Variants in ABCA1 observed in about 807,000 individuals in gnomAD.
ABCA1 encodes ATP binding cassette subfamily A member 1.
Under a neutral mutation model 262.5 loss-of-function variants are expected in ABCA1, and 133 were observed. The observed-to-expected ratio is 0.51, with a 90% CI of 0.44 to 0.59. The LOEUF is 0.59. Among genes scored for constraint, ABCA1 ranks in the 20% least tolerant of loss-of-function variants. ABCA1 has a pLI of 0.00. For missense variants in ABCA1, 2,452 were observed against 2,777.5 expected (o/e 0.88, Z 2.63); for synonymous variants, 1,022 against 1,043.5 (o/e 0.98, Z 0.40).
At chr9:104,860,137 C>CCCTTT (rs1298008873) in intron 6 of ABCA1, among the ~76,000 whole-genome samples, 1 of 151,548 alleles carries the variant, frequency 6.6e-6, no homozygotes, top group Non-Finnish European at 1.5e-5. Flanking sequence ...ATGCTTTGTT[C>CCCTTT]CCTTTCCTTT....
intron 34 of ABCA1, among the ~76,000 whole-genome samples, chr9:104,801,156 G>A (rs2740479): frequency 0.5 from 76,003 of 151,250 alleles, 23,201 homozygotes; most frequent in Non-Finnish European, 0.67. Flanking sequence ...GTCAGTGATT[G>A]TTTCAGCAAA....
At chr9:104,926,298 T>A (rs894419373) in intron 1 of ABCA1, among the ~76,000 whole-genome samples, 2 of 152,102 alleles carry the variant, frequency 1.3e-5, no homozygotes, top group African/African-American at 4.8e-5. Context: ...GCCAGACAAC[T>A]TTTTTCTTTG....
intron 27 of ABCA1, 36 bp downstream of exon 27, chr9:104,814,082 A>T (rs377406820): frequency 1.3e-6 from 2 of 1,599,556 alleles, no homozygotes; most frequent in Non-Finnish European, 1.7e-6. Flanking sequence ...TTCACATTCA[A>T]ACAGTAGGAC....
At chr9:104,822,148 G>A (rs1832417592) in intron 19 of ABCA1, among the ~76,000 whole-genome samples, 3 of 152,232 alleles carry the variant, frequency 2.0e-5, no homozygotes, top group Middle Eastern at 3.4e-3. Context: ...TCTCACAGGT[G>A]CTTCTCACAT....
chr9:104,926,610 C>A (rs955473018), intron 1 of ABCA1, among the ~76,000 whole-genome samples: 4 of 152,100 alleles, frequency 2.6e-5, no homozygotes, highest in African/African-American at 7.2e-5. Context: ...GGTCCTCCGG[C>A]CAGGAGGCGC....
intron 43 of ABCA1, 56 bp downstream of exon 43, chr9:104,791,880 G>A (rs1360338539): frequency 4.5e-6 from 7 of 1,550,926 alleles, no homozygotes; most frequent in South Asian, 2.3e-5. Flanking sequence ...TGCTTGATTG[G>A]GTAGAGATAG....
rs2297409 is a variant in ABCA1 at position 104,813,965 on chromosome 9, G to A, written c.3901+153C>T. ...TTGATCACATGCACGATGCTGCAAA[G>A]AACAAGTGGCTTTTACCATTTCCTC... On this transcript the variant is annotated intron_variant, in intron 27 of 49. Coordinates refer to ENST00000374736, the MANE Select transcript of ABCA1 (RefSeq NM_005502.4). Among the ~76,000 whole-genome samples the A allele has an allele frequency of 0.22, 33,310 of 152,242 alleles. 3,928 individuals carry two copies. Among genetic ancestry groups the A allele is most frequent in the East Asian group, 0.39 (2,008 of 5,182 alleles).
chr9:104,784,603 G>A (rs1828746161), intron 49 of ABCA1, 148 bp from the exon 50 acceptor site: 1 of 980,624 alleles, frequency 1.0e-6, no homozygotes, highest in Admixed American at 2.4e-5. Flanking sequence ...GTGTGTGAAG[G>A]AGGGAAGAAT....
At chr9:104,815,083 T>C (rs1478099534) in intron 25 of ABCA1, among the ~76,000 whole-genome samples, 1 of 152,228 alleles carries the variant, frequency 6.6e-6, no homozygotes, top group Admixed American at 6.5e-5. Flanking sequence ...ATGAGTCAAG[T>C]GGCTTCTTTC....
Position 104,827,014 on chromosome 9 carries a change from C to T in ABCA1, c.2271G>A (p.Leu757=). Residue 757 remains leucine (L), a synonymous_variant, in exon 16 of 50, where the codon CTG becomes CTA. Transcript: ENST00000374736. ...CCACACACAGGACGTAGGGCAGGTA[C>T]AGCGTGAAGTAGATGATGCCCCCAC... The part of the protein sequence containing the change: ...AACGGIIYFT[L]YLPYVLCVAW... 1 of 1,614,192 alleles carries T rather than the reference C, an allele frequency of 6.2e-7. No individual in the cohort carries two copies. Among genetic ancestry groups the T allele is most frequent in the Non-Finnish European group, 8.5e-7 (1 of 1,180,042 alleles).
rs143548532 is a variant in ABCA1 at position 104,785,476 on chromosome 9, T to C, written c.6565A>G (p.Arg2189Gly). 15 of 1,565,732 alleles carry C rather than the reference T, an allele frequency of 9.6e-6. No homozygotes were observed. The highest frequency in any genetic ancestry group is 1.3e-5 in the Non-Finnish European group (15 of 1,148,962). The change falls in exon 49 of 50, where the codon AGG becomes GGG. Residue 2189 changes from arginine to glycine, a missense_variant. Around this residue, in one of 4 missense-constraint regions of ABCA1, gnomAD observed 752 missense variants for 944.5 expected, o/e 0.80. Coordinates refer to ENST00000374736, the MANE Select transcript of ABCA1 (RefSeq NM_005502.4). ...CTCTGGGAGAGGATGCTGAATATCCTGGCCAGAGAAGATAATGAAGATGGA... is the reference window on the plus strand; with the variant it reads ...CTCTGGGAGAGGATGCTGAATATCCCGGCCAGAGAAGATAATGAAGATGGA... Reference protein sequence around the residue: ...QLPSSLSSLARIFSILSQSKK... With the variant: ...QLPSSLSSLAGIFSILSQSKK...
At position 104,837,073 on chromosome 9, in the gene ABCA1, C is replaced by T. The variant is rs1243593595; in HGVS notation, c.1218G>A (p.Leu406=). ...MAEVNKTFQE[L]AVFHDLEGMW... Reference sequence around the variant, plus strand: ...TGCCTTCCAGATCATGGAACACAGCCAGTTCCTGGAAGGTCTTGTTCACCT... The same window carrying T: ...TGCCTTCCAGATCATGGAACACAGCTAGTTCCTGGAAGGTCTTGTTCACCT... The change falls in exon 11 of 50, where the codon CTG becomes CTA. Residue 406 remains leucine, a synonymous_variant. Transcript: ENST00000374736. The T allele has an allele frequency of 5.6e-6, 9 of 1,613,640 alleles. No individual in the cohort carries two copies. The highest frequency in any genetic ancestry group is 7.6e-6 in the Non-Finnish European group (9 of 1,180,044).
At chr9:104,862,705 C>G (rs1588441502) in intron 5 of ABCA1, among the ~76,000 whole-genome samples, 1 of 13,846 alleles carries the variant, frequency 7.2e-5, no homozygotes, top group African/African-American at 3.8e-4. Flanking sequence ...GGGCCGGCCC[C>G]CACCCCCACC....
At chr9:104,786,248 A>G in intron 48 of ABCA1, 50 bp downstream of exon 48, 1 of 1,420,946 alleles carries the variant, frequency 7.0e-7, no homozygotes, top group Non-Finnish European at 9.9e-7. Context: ...AAAAGAATAA[A>G]TATCAAGCCT....
chr9:104,875,673 T>C (rs985815030), intron 5 of ABCA1, among the ~76,000 whole-genome samples: 4 of 150,514 alleles, frequency 2.7e-5, no homozygotes, highest in African/African-American at 7.3e-5. Flanking sequence ...AAAAAAAAGG[T>C]ATTTCAGAAT....
intron 27 of ABCA1, 66 bp downstream of exon 27, chr9:104,814,052 G>A (rs1831511682): frequency 5.9e-6 from 9 of 1,522,100 alleles, no homozygotes; most frequent in South Asian, 5.6e-5. Context: ...AAGAAAACAG[G>A]TGAGAGCATG....
At chr9:104,834,321 T>C (rs2472390) in intron 11 of ABCA1, among the ~76,000 whole-genome samples, 23,674 of 149,386 alleles carry the variant, frequency 0.16, 3,271 homozygotes, top group African/African-American at 0.26. Context: ...CAGGATAGCA[T>C]ATTTTAAAAT....
Position 104,927,940 on chromosome 9 carries a change from T to A in ABCA1, c.-98A>T, listed in dbSNP as rs1178585151. The A allele has an allele frequency of 1.3e-5, 2 of 152,290 alleles. No individual in the cohort carries two copies. The highest frequency in any genetic ancestry group is 2.4e-5 in the African/African-American group (1 of 41,466). 9.4% of individuals were successfully genotyped at this position (152,290 alleles called of 1,614,324 possible). A position where few individuals can be genotyped will look rare whatever the true frequency, so the allele number is the denominator to read the frequency against. ...GTCACTGGAGAGCCTCTTACCTGTT[T>A]TCCACTTTTGTGTTTGCGTCTCTTT... On this transcript the variant is annotated 5_prime_UTR_variant, in exon 1 of 50. Coordinates refer to ENST00000374736, the MANE Select transcript of ABCA1 (RefSeq NM_005502.4).
intron 7 of ABCA1, among the ~76,000 whole-genome samples, chr9:104,848,350 C>T (rs1027875756): frequency 3.9e-5 from 6 of 152,046 alleles, no homozygotes; most frequent in African/African-American, 1.2e-4. Context: ...CATGGTGGCT[C>T]ACACCTGTAA....
Sources: gnomAD v4.1 joint callset for allele counts (sites outside exome capture counted in the v4.1 genomes callset) on GRCh38, gnomAD v4.1.1 for gene constraint, gnomAD v4.1.1 regional missense constraint, MANE v1.5 for transcripts, NCBI Gene and HGNC (gene_info 2026-07-23, HGNC 2026-07-21) for gene names.